Variants in SRSF11 observed in about 807,000 individuals in gnomAD.
SRSF11 encodes the protein serine and arginine rich splicing factor 11.
In SRSF11, 9 loss-of-function variants were observed where a neutral mutation model predicts 56.0. The ratio of observed to expected loss-of-function variants is 0.16; its 90% confidence interval spans 0.10 to 0.28. SRSF11 has a LOEUF of 0.28. SRSF11 is among the 10% of genes least tolerant of loss of function. The pLI is 1.00. For synonymous variants in SRSF11, 222 were observed against 215.3 expected, an observed-to-expected ratio of 1.03 and a Z score of -0.27; for missense variants, 421 against 600.7, an observed-to-expected ratio of 0.70 and a Z score of 3.13.
intron 1 of SRSF11, among the ~76,000 whole-genome samples, chr1:70,223,968 CTG>C (rs1671202546): frequency 6.6e-6 from 1 of 152,170 alleles, no homozygotes; most frequent in Non-Finnish European, 1.5e-5. Flanking sequence ...ATTCAGCCCA[CTG>C]TGAATTGAAA....
rs567226420 is a variant in SRSF11, at chr1:70,215,620, A to G, written c.-25-5992A>G. On this transcript the variant is annotated intron_variant, in intron 1 of 12. Transcript: ENST00000370950. ...GAAGAGCTATTTAACAACTAATTTC[A>G]TAAAAGGCCTGTTGCTTGTGCCGAT... Among the ~76,000 whole-genome samples the G allele has an allele frequency of 7.2e-5, 11 of 152,310 alleles. No homozygotes were observed. In the East Asian group the frequency reaches 1.5e-3, roughly 21 times the overall value.
chr1:70,250,706 A>G lies in SRSF11; in HGVS notation c.1356A>G (p.Thr452=), dbSNP rs1220971770. The change falls in exon 12 of 12, where the codon ACA becomes ACG. Residue 452 remains threonine, a synonymous_variant. Transcript: ENST00000370949. ...CAATAGAAACAGGTTCCCCTAAAAC[A>G]AAGGAATGTTCTGTGGAAAAGGGAA... ...KKPIETGSPK[T]KECSVEKGTG... 33 of 1,614,078 alleles carry G rather than the reference A, an allele frequency of 2.0e-5. No individual in the cohort carries two copies. The highest frequency in any genetic ancestry group is 2.7e-5 in the Non-Finnish European group (32 of 1,179,974).
intron 1 of SRSF11, among the ~76,000 whole-genome samples, chr1:70,211,644 TC>T (rs1669572771): frequency 6.6e-6 from 1 of 152,206 alleles, no homozygotes; most frequent in Non-Finnish European, 1.5e-5. Flanking sequence ...CAGAATACCT[TC>T]AAGACTGCTC....
At chr1:70,229,555 CACTGAAATATG>C (rs1672474848) in intron 2 of SRSF11, 1 of 984,790 alleles carries the variant, frequency 1.0e-6, no homozygotes, top group Non-Finnish European at 1.2e-6. Flanking sequence ...TTACTCGAAT[CACTGAAATATG>C]ATAAAACTGC....
chr1:70,217,603 G>A (rs988751736), upstream of SRSF11, among the ~76,000 whole-genome samples: 1 of 152,082 alleles, frequency 6.6e-6, no homozygotes, highest in African/African-American at 2.4e-5. Flanking sequence ...AGAAATTTGT[G>A]AGTTTTTTGA....
chr1:70,228,352 T>C, intron 1 of SRSF11, 70 bp from the exon 2 acceptor site: 1 of 1,188,418 alleles, frequency 8.4e-7, no homozygotes. Context: ...TGAAATGTGT[T>C]GGTTTGTGAA....
chr1:70,239,237 A>G (rs1674779569), intron 6 of SRSF11, among the ~76,000 whole-genome samples: 1 of 151,940 alleles, frequency 6.6e-6, no homozygotes, highest in Admixed American at 6.6e-5. Context: ...GACCACAGGC[A>G]CACACCGCCA....
At chr1:70,214,983 C>T (rs1418446530) in intron 1 of SRSF11, among the ~76,000 whole-genome samples, 1 of 150,474 alleles carries the variant, frequency 6.6e-6, no homozygotes, top group African/African-American at 2.4e-5. Context: ...ACTGCAGCCT[C>T]CGCCTCCTGG....
intron 8 of SRSF11, among the ~76,000 whole-genome samples, chr1:70,245,147 A>G (rs773707152): frequency 4.6e-5 from 7 of 152,192 alleles, no homozygotes; most frequent in Admixed American, 2.0e-4. Context: ...TGTAGAACCA[A>G]ACACTTTTAA....
chr1:70,231,548 A>G, intron 2 of SRSF11: 17 of 1,077,794 alleles, frequency 1.6e-5, no homozygotes, highest in Non-Finnish European at 1.9e-5. Flanking sequence ...GGCGAAACAT[A>G]AAGCATTTTA....
rs548023333 is a variant in SRSF11 at position 70,244,495 on chromosome 1, AAAGGTATTACTAATTTCT to A, written c.801-183_801-166del. 3.3e-3 allele frequency among the ~76,000 whole-genome samples: 499 copies of A among 152,276 alleles called. 5 individuals carry two copies. Among genetic ancestry groups the A allele is most frequent in the South Asian group, 0.031 (148 of 4,824 alleles). On this transcript the variant is annotated intron_variant, in intron 7 of 11. Transcript: ENST00000370949. ...AAAAGGTGAGGAATTCCAAGTGTTA[AAAGGTATTACTAATTTCT>A]AAGGTGTTGAAGGTGTTTGTTCTAT...
intron 1 of SRSF11, among the ~76,000 whole-genome samples, chr1:70,209,872 T>TA (rs549376434): frequency 4.3e-4 from 63 of 147,796 alleles, no homozygotes; most frequent in African/African-American, 1.5e-3. Context: ...GTGTTGGAAT[T>TA]ACAGGCATGA....
intron 7 of SRSF11, among the ~76,000 whole-genome samples, chr1:70,243,367 A>C (rs893555077): frequency 1.5e-4 from 22 of 143,848 alleles, no homozygotes; most frequent in Admixed American, 1.4e-3. Flanking sequence ...AAAAAAAAAA[A>C]AAAAAACACA....
rs1280410888 is a variant in SRSF11, at chr1:70,249,975, G to A, written c.1046G>A (p.Arg349Lys). 1 of 1,614,140 alleles carries A rather than the reference G, an allele frequency of 6.2e-7. No homozygotes were observed. ...AGAGAGAGACGACGACGAAGAAGCA[G>A]GAGTGGCACAAGATCTCCTAAAAAG... ...ASRERRRRRS[R>K]SGTRSPKKPR... Residue 349 changes from arginine to lysine, a missense_variant, in exon 10 of 12, where the codon AGG (arginine) becomes AAG (lysine). Arg to Lys is a conservative substitution (Grantham distance 26). Transcript: ENST00000370949.
At chr1:70,210,177 G>T (rs1669435013) in intron 1 of SRSF11, among the ~76,000 whole-genome samples, 1 of 149,610 alleles carries the variant, frequency 6.7e-6, no homozygotes, top group Non-Finnish European at 1.5e-5. Context: ...TTTTTTCCAA[G>T]ACAGAGTTTC....
chr1:70,244,859 C>T (rs754216971), intron 8 of SRSF11, 44 bp downstream of exon 8: 1 of 1,598,300 alleles, frequency 6.3e-7, no homozygotes, highest in Non-Finnish European at 8.6e-7. Context: ...TTCCCAGTAC[C>T]CCTAGTACTG....
At chr1:70,221,295 A>G (rs751027094), upstream of SRSF11, 4 of 299,082 alleles carry the variant, frequency 1.3e-5, no homozygotes, top group Admixed American at 1.6e-4. Flanking sequence ...CTCGGGCTGC[A>G]GGCGACGGCT....
At chr1:70,236,445 C>T (rs1019137868) in intron 5 of SRSF11, among the ~76,000 whole-genome samples, 1 of 151,496 alleles carries the variant, frequency 6.6e-6, no homozygotes, top group African/African-American at 2.4e-5. Flanking sequence ...ATTCTTTTGC[C>T]TTAGCCTCCC....
intron 9 of SRSF11, 98 bp from the exon 10 acceptor site, chr1:70,249,854 C>T (rs984958967): frequency 1.5e-6 from 2 of 1,316,178 alleles, no homozygotes; most frequent in African/African-American, 2.9e-5. Context: ...GCCACTACAT[C>T]TGGCCACATC....
Sources: allele counts gnomAD v4.1 joint callset (sites outside exome capture counted in the v4.1 genomes callset), GRCh38; gene constraint gnomAD v4.1.1; transcripts MANE v1.5; gene names NCBI Gene and HGNC (gene_info 2026-07-23, HGNC 2026-07-21).